LTBP1: variants seen among roughly 807,000 people sequenced by gnomAD.
LTBP1 encodes the protein latent transforming growth factor beta binding protein 1, also known as latent-transforming growth factor beta-binding protein 1.
In LTBP1, 129 loss-of-function variants were observed where a neutral mutation model predicts 207.6. The observed-to-expected ratio is 0.62, with a 90% CI of 0.54 to 0.72. LTBP1 has a LOEUF of 0.72. Among genes scored for constraint, LTBP1 ranks in the 30% least tolerant of loss-of-function variants. The probability of loss-of-function intolerance (pLI) is 0.00; values close to 1 mark genes in which losing one functional copy is unlikely to be tolerated. For synonymous variants in LTBP1, 963 were observed against 833.7 expected (o/e 1.16, Z -2.67); for missense variants, 2,281 against 2,217.2 (o/e 1.03, Z -0.58).
Position 33,017,851 on chromosome 2 carries a change from T to C in LTBP1, c.566-3058T>C, listed in dbSNP as rs934902865. On this transcript the variant is annotated intron_variant, in intron 2 of 33. Transcript: ENST00000404816. Reference sequence around the variant, plus strand: ...CAGGATGGTCTCAATCTCCTGACCTTGTGATCCGCCCACCTCGGCCTCCCA... The same window carrying C: ...CAGGATGGTCTCAATCTCCTGACCTCGTGATCCGCCCACCTCGGCCTCCCA... Among the ~76,000 whole-genome samples, 6 of 152,094 alleles carry C rather than the reference T, an allele frequency of 3.9e-5. 1 individual carries two copies. The South Asian group carries it at 1.0e-3, about 26-fold the overall frequency.
At chr2:33,223,026 G>A (rs1181997354) in intron 9 of LTBP1, among the ~76,000 whole-genome samples, 1 of 152,140 alleles carries the variant, frequency 6.6e-6, no homozygotes, top group Non-Finnish European at 1.5e-5. Flanking sequence ...TGAGAACATG[G>A]CACATGTCTT....
chr2:33,075,271 G>A (rs912735611), intron 3 of LTBP1, among the ~76,000 whole-genome samples: 3 of 152,182 alleles, frequency 2.0e-5, no homozygotes, highest in African/African-American at 7.2e-5. Context: ...TATTGTGTAT[G>A]ATCCTCACAT....
chr2:33,062,035 T>A (rs1370274716), intron 3 of LTBP1, among the ~76,000 whole-genome samples: 1 of 152,194 alleles, frequency 6.6e-6, no homozygotes, highest in Non-Finnish European at 1.5e-5. Context: ...ATTATGTTTT[T>A]AATTTGCATT....
chr2:32,976,290 G>A (rs957845947), intron 2 of LTBP1, among the ~76,000 whole-genome samples: 1 of 152,190 alleles, frequency 6.6e-6, no homozygotes, highest in Admixed American at 6.5e-5. Context: ...TACTCTGATG[G>A]GGGGTGCCAG....
intron 6 of LTBP1, among the ~76,000 whole-genome samples, chr2:33,188,233 C>A (rs924390826): frequency 2.0e-5 from 3 of 151,952 alleles, no homozygotes; most frequent in African/African-American, 7.3e-5. Flanking sequence ...CCAGCCTGGC[C>A]AACGTGGTGA....
intron 7 of LTBP1, among the ~76,000 whole-genome samples, chr2:33,197,834 G>C (rs1480996884): frequency 6.6e-6 from 1 of 152,144 alleles, no homozygotes; most frequent in Non-Finnish European, 1.5e-5. Context: ...GCTCTTTGTT[G>C]AACCCAGGAA....
intron 7 of LTBP1, among the ~76,000 whole-genome samples, chr2:33,195,673 G>A (rs1266646901): frequency 6.6e-6 from 1 of 152,188 alleles, no homozygotes; most frequent in Admixed American, 6.5e-5. Flanking sequence ...GACAACAATG[G>A]ATTTAGAATA....
intron 2 of LTBP1, among the ~76,000 whole-genome samples, chr2:33,011,678 G>T (rs1397150793): frequency 6.6e-6 from 1 of 151,932 alleles, no homozygotes; most frequent in African/African-American, 2.4e-5. Flanking sequence ...CTTTGTTATG[G>T]CAGCCTGGCA....
intron 2 of LTBP1, among the ~76,000 whole-genome samples, chr2:32,981,052 G>T (rs1302073925): frequency 2.6e-5 from 4 of 152,054 alleles, no homozygotes; most frequent in African/African-American, 9.7e-5. Flanking sequence ...ATGCTTTGAG[G>T]TCATCTTTGG....
intron 5 of LTBP1, among the ~76,000 whole-genome samples, chr2:33,151,632 A>T (rs1332343145): frequency 6.6e-6 from 1 of 151,954 alleles, no homozygotes; most frequent in East Asian, 1.9e-4. Flanking sequence ...CTTCCCTCTA[A>T]GTCTCTAAAG....
At chr2:33,078,102 T>G (rs577400788) in intron 3 of LTBP1, among the ~76,000 whole-genome samples, 1 of 151,386 alleles carries the variant, frequency 6.6e-6, no homozygotes, top group African/African-American at 2.4e-5. Flanking sequence ...TTGGAGACAA[T>G]TTATTTGTCA....
chr2:33,014,577 G>A (rs4952334), intron 2 of LTBP1, among the ~76,000 whole-genome samples: 6,679 of 152,310 alleles, frequency 0.044, 494 homozygotes, highest in East Asian at 0.28. Flanking sequence ...TGTTTGGAGA[G>A]AAAGGCAAGG....
At chr2:33,082,195 T>C (rs2078450563) in intron 3 of LTBP1, among the ~76,000 whole-genome samples, 1 of 152,126 alleles carries the variant, frequency 6.6e-6, no homozygotes. Flanking sequence ...TTTCTCTCCC[T>C]CTTGCCCTCT....
chr2:33,325,458 T>C (rs2094414681), intron 24 of LTBP1, among the ~76,000 whole-genome samples: 1 of 152,186 alleles, frequency 6.6e-6, no homozygotes, highest in African/African-American at 2.4e-5. Context: ...GGCAGCACCT[T>C]TTAGTGTAAG....
At chr2:33,390,306 C>T (rs556781576) in intron 32 of LTBP1, among the ~76,000 whole-genome samples, 102 of 152,244 alleles carry the variant, frequency 6.7e-4, no homozygotes, top group African/African-American at 2.2e-3. Context: ...AGCCTACAAA[C>T]ACACAAGCTC....
At chr2:32,996,882 T>A (rs1685367304) in intron 2 of LTBP1, among the ~76,000 whole-genome samples, 1 of 152,170 alleles carries the variant, frequency 6.6e-6, no homozygotes, top group African/African-American at 2.4e-5. Flanking sequence ...GGTGGAACTT[T>A]TTTTTGTTTT....
chr2:33,103,000 A>C (rs959505857), intron 3 of LTBP1, among the ~76,000 whole-genome samples: 3 of 151,878 alleles, frequency 2.0e-5, no homozygotes, highest in Non-Finnish European at 4.4e-5. Context: ...TCTATGTTGT[A>C]TACACAGTCT....
intron 3 of LTBP1, among the ~76,000 whole-genome samples, chr2:33,106,648 A>G (rs146977571): frequency 2.0e-5 from 3 of 152,042 alleles, no homozygotes; most frequent in African/African-American, 4.8e-5. Flanking sequence ...AGGTCTTAAC[A>G]GTAGGGTTAA....
chr2:33,096,616 T>C (rs1226075221), intron 3 of LTBP1, among the ~76,000 whole-genome samples: 2 of 152,188 alleles, frequency 1.3e-5, no homozygotes, highest in Non-Finnish European at 2.9e-5. Context: ...TTAAAGTGTA[T>C]GTTGGTTTAT....
Sources: allele counts gnomAD v4.1 joint callset (sites outside exome capture counted in the v4.1 genomes callset), GRCh38; gene constraint gnomAD v4.1.1; transcripts MANE v1.5; gene names NCBI Gene and HGNC (gene_info 2026-07-23, HGNC 2026-07-21).